FCHSD2: variants seen among roughly 807,000 people sequenced by gnomAD.
The protein encoded by FCHSD2 is F-BAR and double SH3 domains protein 2.
Under a neutral mutation model 108.1 loss-of-function variants are expected in FCHSD2, and 38 were observed. That is an observed-to-expected ratio of 0.35 (90% CI 0.27 to 0.46). The LOEUF (loss-of-function observed/expected upper bound fraction) is 0.46, where lower values mean the gene tolerates loss of function less well. Among genes scored for constraint, FCHSD2 ranks in the 20% least tolerant of loss-of-function variants. FCHSD2 has a pLI of 1.00. For missense variants in FCHSD2, 751 were observed against 897.8 expected (o/e 0.84, Z 2.09); for synonymous variants, 279 against 314.7 (o/e 0.89, Z 1.20).
chr11:72,937,786 G>A (rs1272692519), intron 8 of FCHSD2, among the ~76,000 whole-genome samples: 1 of 152,148 alleles, frequency 6.6e-6, no homozygotes, highest in Admixed American at 6.5e-5. Flanking sequence ...AATTATACAG[G>A]GTGCTAGAAG....
intron 2 of FCHSD2, among the ~76,000 whole-genome samples, chr11:73,107,801 G>C (rs889387703): frequency 3.3e-5 from 5 of 152,122 alleles, no homozygotes; most frequent in South Asian, 2.1e-4. Context: ...TGGCTGAATA[G>C]TACTCCACTG....
At chr11:72,909,375 C>T (rs1002611606) in intron 9 of FCHSD2, among the ~76,000 whole-genome samples, 17 of 152,076 alleles carry the variant, frequency 1.1e-4, no homozygotes, top group Non-Finnish European at 1.6e-4. Context: ...GGCGTGATCT[C>T]GGCTCGCTAC....
intron 2 of FCHSD2, among the ~76,000 whole-genome samples, chr11:73,115,856 A>G (rs1860590499): frequency 6.6e-6 from 1 of 152,328 alleles, no homozygotes; most frequent in African/African-American, 2.4e-5. Context: ...CCTTTACTTA[A>G]AGTCAACTGA....
chr11:72,918,569 C>CA, intron 9 of FCHSD2, among the ~76,000 whole-genome samples: 1 of 152,120 alleles, frequency 6.6e-6, no homozygotes, highest in East Asian at 1.9e-4. Context: ...GTGTTTATCA[C>CA]AAAAAAGTAC....
In FCHSD2 at chr11:73,141,802, C is replaced by T. The variant is rs539003681; in HGVS notation, c.21+55G>A. 4 of 1,524,992 alleles carry T rather than the reference C, an allele frequency of 2.6e-6. No individual in the cohort carries two copies. The East Asian group carries it at 1.0e-4, about 39-fold the overall frequency. The allele number at this position is 1,524,992 out of a possible 1,614,324, so 94.5% of individuals were successfully genotyped here. A position where few individuals can be genotyped will look rare whatever the true frequency, so the allele number is the denominator to read the frequency against. Reference sequence around the variant, plus strand: ...GAAGGGGCGCAGCGGTCGCCCCAGCCGCGTTCCGCGTACGCATCTCTCCGA... The same window carrying T: ...GAAGGGGCGCAGCGGTCGCCCCAGCTGCGTTCCGCGTACGCATCTCTCCGA... On this transcript the variant is annotated intron_variant, in intron 1 of 19. Transcript: ENST00000409418.
At chr11:73,043,485 C>T (rs1858689311) in intron 3 of FCHSD2, among the ~76,000 whole-genome samples, 1 of 152,134 alleles carries the variant, frequency 6.6e-6, no homozygotes. Flanking sequence ...AGGAATTAAT[C>T]AGTTAAATTA....
rs1591392160 is a variant in FCHSD2 at position 72,912,180 on chromosome 11, G to T, written c.829-9542C>A. Reference sequence around the variant, plus strand: ...CTGTAGCTAGGACTTCCAGTACTATGTTGAACAACAGTGGTAAAAGTGGGC... The same window carrying T: ...CTGTAGCTAGGACTTCCAGTACTATTTTGAACAACAGTGGTAAAAGTGGGC... On this transcript the variant is annotated intron_variant, in intron 9 of 19. Coordinates refer to ENST00000409418, the MANE Select transcript of FCHSD2 (RefSeq NM_014824.3). Among the ~76,000 whole-genome samples the T allele has an allele frequency of 2.6e-5, 4 of 152,296 alleles. 1 individual carries two copies. The highest frequency in any genetic ancestry group is 1.9e-4 in the East Asian group (1 of 5,190).
At chr11:72,851,666 C>G (rs1199315902) in intron 13 of FCHSD2, among the ~76,000 whole-genome samples, 5 of 152,100 alleles carry the variant, frequency 3.3e-5, no homozygotes, top group Non-Finnish European at 7.4e-5. Flanking sequence ...TTGCTTGAAC[C>G]TGGGAGGCAG....
At chr11:72,853,139 A>G (rs753443649) in intron 13 of FCHSD2, among the ~76,000 whole-genome samples, 15 of 152,200 alleles carry the variant, frequency 9.9e-5, no homozygotes, top group Non-Finnish European at 1.8e-4. Flanking sequence ...CTTGCACTTA[A>G]AAGTTTTTTT....
intron 8 of FCHSD2, among the ~76,000 whole-genome samples, chr11:72,975,006 C>T (rs183448004): frequency 1.3e-3 from 198 of 152,220 alleles, no homozygotes; most frequent in Admixed American, 2.3e-3. Context: ...GAGTTATATA[C>T]GCCTACATAT....
rs367639909 is a variant in FCHSD2 at position 72,889,941 on chromosome 11, C to T, written c.929G>A (p.Arg310Gln). The change falls in exon 11 of 20, where the codon CGA (arginine) becomes CAA (glutamine). Residue 310 changes from arginine (R) to glutamine (Q), a missense_variant. By Grantham distance (43) the Arg-to-Gln change is conservative (BLOSUM62 1). Coordinates refer to ENST00000409418, the MANE Select transcript of FCHSD2 (RefSeq NM_014824.3). ...QFQPCDSDTS[R>Q]QLESETGTTE... is the part of the protein sequence containing the mutation. ...GGTCCCAGTTTCTGATTCTAACTGT[C>T]GGCTCTACAATACAAGAGAGAACAG... 1.3e-5 allele frequency: 21 copies of T among 1,596,576 alleles called. No individual in the cohort carries two copies. The highest frequency in any genetic ancestry group is 1.7e-5 in the Admixed American group (1 of 59,948).
At chr11:73,118,554 G>A (rs954215120) in intron 2 of FCHSD2, among the ~76,000 whole-genome samples, 1 of 152,198 alleles carries the variant, frequency 6.6e-6, no homozygotes, top group African/African-American at 2.4e-5. Flanking sequence ...ATGTTTCTGA[G>A]ATTCACCCAC....
In FCHSD2 at chr11:73,125,359, C is replaced by T. The variant is rs1288906573; in HGVS notation, c.119+14672G>A. Among the ~76,000 whole-genome samples, 4 of 152,284 alleles carry T rather than the reference C, an allele frequency of 2.6e-5. No individual in the cohort carries two copies. In the East Asian group the frequency reaches 5.8e-4, roughly 22 times the overall value. ...AACTGTAATTAGACCATTGTAAGGT[C>T]GTATGTGGAATGGTACAATATTAAC... On this transcript the variant is annotated intron_variant, in intron 2 of 19. Coordinates refer to ENST00000409418, the MANE Select transcript of FCHSD2 (RefSeq NM_014824.3).
chr11:72,887,433 G>C, intron 12 of FCHSD2, 37 bp downstream of exon 12: 6 of 1,332,286 alleles, frequency 4.5e-6, no homozygotes, highest in Non-Finnish European at 6.5e-6. Context: ...AGTGTCATTA[G>C]ACCTGGGCAA....
At chr11:73,107,452 G>A (rs1027815645) in intron 2 of FCHSD2, among the ~76,000 whole-genome samples, 1 of 152,182 alleles carries the variant, frequency 6.6e-6, no homozygotes, top group Non-Finnish European at 1.5e-5. Context: ...TCACATTAGA[G>A]TAAATGGGGT....
intron 4 of FCHSD2, among the ~76,000 whole-genome samples, chr11:73,005,521 C>T (rs1011309188): frequency 1.2e-4 from 18 of 152,212 alleles, no homozygotes; most frequent in African/African-American, 3.4e-4. Context: ...TCTCCTTTGC[C>T]GGTTCCGCTT....
chr11:72,908,597 T>C (rs1855683832), intron 9 of FCHSD2, among the ~76,000 whole-genome samples: 1 of 152,212 alleles, frequency 6.6e-6, no homozygotes, highest in African/African-American at 2.4e-5. Context: ...TGATATAATA[T>C]CTTACTGTAG....
chr11:72,987,054 C>A (rs553308765), intron 6 of FCHSD2, among the ~76,000 whole-genome samples: 3 of 152,078 alleles, frequency 2.0e-5, no homozygotes, highest in Non-Finnish European at 4.4e-5. Context: ...ACATATTCAC[C>A]CCAGTGTTTC....
intron 2 of FCHSD2, among the ~76,000 whole-genome samples, chr11:73,136,933 C>A (rs1056930844): frequency 9.2e-5 from 14 of 152,038 alleles, no homozygotes; most frequent in African/African-American, 3.1e-4. Context: ...GAGGCTGAGG[C>A]AGGTGAACTG....
Sources: gnomAD v4.1 joint callset for allele counts (sites outside exome capture counted in the v4.1 genomes callset) on GRCh38, gnomAD v4.1.1 for gene constraint, MANE v1.5 for transcripts, NCBI Gene and HGNC (gene_info 2026-07-23, HGNC 2026-07-21) for gene names.